The following CUBN variants were observed in gnomAD, a reference collection of about 807,000 sequenced individuals.
CUBN encodes the protein cubilin.
A neutral mutation model predicts 405.3 loss-of-function variants in CUBN; 282 were observed. The observed-to-expected ratio is 0.70, with a 90% confidence interval of 0.63 to 0.77. CUBN has a LOEUF of 0.77. CUBN is among the 30% of genes least tolerant of loss of function. The probability of loss-of-function intolerance (pLI) is 0.00; values close to 1 mark genes in which losing one functional copy is unlikely to be tolerated. For synonymous variants in CUBN, 1,684 were observed against 1,617.0 expected, an observed-to-expected ratio of 1.04 and a Z score of -0.99; for missense variants, 4,514 against 4,475.2, an observed-to-expected ratio of 1.01 and a Z score of -0.25.
At chr10:17,063,197 C>T (rs1835539726) in intron 22 of CUBN, among the ~76,000 whole-genome samples, 1 of 152,212 alleles carries the variant, frequency 6.6e-6, no homozygotes, top group Non-Finnish European at 1.5e-5. Context: ...CTGTGACAGG[C>T]TCCAGAATTA....
chr10:17,003,795 G>A (rs1400451335), intron 28 of CUBN, among the ~76,000 whole-genome samples: 2 of 152,144 alleles, frequency 1.3e-5, no homozygotes, highest in African/African-American at 4.8e-5. Flanking sequence ...TCTTGTCTCT[G>A]CAGACCGCTA....
At chr10:17,074,429 A>T (rs974609529) in intron 17 of CUBN, among the ~76,000 whole-genome samples, 76 of 152,338 alleles carry the variant, frequency 5.0e-4, no homozygotes, top group African/African-American at 1.8e-3. Flanking sequence ...AGCGTCACAC[A>T]CAACAAGAAT....
At chr10:17,077,909 GAA>G (rs1214966181) in intron 17 of CUBN, among the ~76,000 whole-genome samples, 1 of 152,138 alleles carries the variant, frequency 6.6e-6, no homozygotes, top group African/African-American at 2.4e-5. Context: ...CATGCCTTGT[GAA>G]AGTGTCCCTT....
At chr10:17,050,436 G>A (rs1329050273) in intron 22 of CUBN, among the ~76,000 whole-genome samples, 2 of 152,188 alleles carry the variant, frequency 1.3e-5, no homozygotes, top group East Asian at 1.9e-4. Flanking sequence ...AGCTGATGAT[G>A]CAAAGATTAG....
At chr10:16,849,859 C>A (rs1423189108) in intron 60 of CUBN, among the ~76,000 whole-genome samples, 2 of 152,144 alleles carry the variant, frequency 1.3e-5, no homozygotes, top group African/African-American at 4.8e-5. Flanking sequence ...TGTCACCTCA[C>A]TCATTGGAAA....
At chr10:16,954,617 G>C in intron 31 of CUBN, 69 bp from the exon 32 acceptor site, 3 of 1,526,164 alleles carry the variant, frequency 2.0e-6, no homozygotes, top group Non-Finnish European at 2.7e-6. Flanking sequence ...TCCACGAACT[G>C]TCTGCACGCC....
intron 17 of CUBN, among the ~76,000 whole-genome samples, chr10:17,076,482 C>A (rs1211518974): frequency 9.4e-5 from 13 of 137,726 alleles, no homozygotes; most frequent in Non-Finnish European, 1.6e-4. Flanking sequence ...GCACCCCCAC[C>A]AAAAAAAAAA....
At chr10:17,072,396 T>C (rs1418006809) in intron 17 of CUBN, among the ~76,000 whole-genome samples, 1 of 151,724 alleles carries the variant, frequency 6.6e-6, no homozygotes, top group East Asian at 1.9e-4. Context: ...GAAAAGTTGA[T>C]GAAAGAGAGA....
intron 1 of CUBN, 27 bp downstream of exon 1, chr10:17,129,617 G>A (rs1199073753): frequency 1.2e-6 from 2 of 1,614,030 alleles, no homozygotes; most frequent in Non-Finnish European, 1.7e-6. Flanking sequence ...TAGTCCCTGA[G>A]CAGGAATGAC....
At chr10:16,849,432 CCT>C (rs1456749368) in intron 60 of CUBN, among the ~76,000 whole-genome samples, 4 of 152,094 alleles carry the variant, frequency 2.6e-5, no homozygotes, top group African/African-American at 9.7e-5. Flanking sequence ...TTTGCTGTGT[CCT>C]CTCTATTCGT....
In CUBN at chr10:17,003,043, C is replaced by T. The variant is rs1165748360; in HGVS notation, c.4169-12528G>A. On this transcript the variant is annotated intron_variant, in intron 28 of 66. Transcript: ENST00000377833. ...ATATCAAATAGGCTGAAAAAGCCAT[C>T]ATAAACAGGATGGGATATAGCATGT... Among the ~76,000 whole-genome samples the T allele has an allele frequency of 2.6e-5, 4 of 152,090 alleles. No individual in the cohort carries two copies. The East Asian group carries it at 7.7e-4, about 29-fold the overall frequency.
intron 64 of CUBN, among the ~76,000 whole-genome samples, chr10:16,834,452 A>T (rs7897716): frequency 6.6e-6 from 1 of 151,972 alleles, no homozygotes; most frequent in African/African-American, 2.4e-5. Flanking sequence ...TTCTGTGCCC[A>T]AATTCAAGCT....
intron 31 of CUBN, among the ~76,000 whole-genome samples, chr10:16,973,668 C>A (rs189124793): frequency 6.6e-6 from 1 of 152,134 alleles, no homozygotes; most frequent in East Asian, 1.9e-4. Flanking sequence ...TAGGCCCTGG[C>A]GCCTGTTGTT....
chr10:17,027,557 T>A (rs896326718), intron 27 of CUBN, among the ~76,000 whole-genome samples: 1 of 152,218 alleles, frequency 6.6e-6, no homozygotes, highest in Non-Finnish European at 1.5e-5. Flanking sequence ...TGACTATAAA[T>A]TCCTTTGTGA....
At chr10:16,859,039 T>G (rs1224559226) in intron 59 of CUBN, among the ~76,000 whole-genome samples, 1 of 152,144 alleles carries the variant, frequency 6.6e-6, no homozygotes, top group Non-Finnish European at 1.5e-5. Flanking sequence ...AACACCAGAA[T>G]AATCTCTGGG....
At chr10:17,024,689 A>G (rs1200683120) in intron 27 of CUBN, among the ~76,000 whole-genome samples, 1 of 152,012 alleles carries the variant, frequency 6.6e-6, no homozygotes, top group Non-Finnish European at 1.5e-5. Context: ...TATTTTTTGT[A>G]GAGACAGAGT....
intron 49 of CUBN, 71 bp downstream of exon 49, chr10:16,907,437 A>C: frequency 6.7e-7 from 1 of 1,485,086 alleles, no homozygotes; most frequent in Non-Finnish European, 9.4e-7. Flanking sequence ...CTCTGCTGCC[A>C]TTGGCAGTAG....
At chr10:17,093,913 C>T (rs1836318545) in intron 14 of CUBN, among the ~76,000 whole-genome samples, 1 of 151,944 alleles carries the variant, frequency 6.6e-6, no homozygotes, top group South Asian at 2.1e-4. Context: ...ACCATAAGAA[C>T]TATTAGAAAC....
At chr10:17,069,522 C>T (rs1313083651) in intron 19 of CUBN, among the ~76,000 whole-genome samples, 1 of 152,030 alleles carries the variant, frequency 6.6e-6, no homozygotes, top group Admixed American at 6.6e-5. Flanking sequence ...TATAGCTATC[C>T]TATGGGTGTG....
Sources: allele counts gnomAD v4.1 joint callset (sites outside exome capture counted in the v4.1 genomes callset), GRCh38; gene constraint gnomAD v4.1.1; transcripts MANE v1.5; gene names NCBI Gene and HGNC (gene_info 2026-07-23, HGNC 2026-07-21).